ZNF317: variants seen among roughly 807,000 people sequenced by gnomAD.
ZNF317 encodes the protein zinc finger protein 317, also known as KRAB-containing zinc finger protein 317.
Under a neutral mutation model 23.4 loss-of-function variants are expected in ZNF317, and 17 were observed. The ratio of observed to expected loss-of-function variants is 0.73; its 90% CI spans 0.50 to 1.09. The LOEUF (loss-of-function observed/expected upper bound fraction) is 1.09, where lower values mean the gene tolerates loss of function less well. Among genes scored for constraint, ZNF317 ranks in the 50% least tolerant of loss-of-function variants. The probability of loss-of-function intolerance (pLI) is 0.00; values close to 1 mark genes in which losing one functional copy is unlikely to be tolerated. For missense variants in ZNF317, 679 were observed against 796.7 expected (o/e 0.85, Z 1.78); for synonymous variants, 317 against 314.9 (o/e 1.01, Z -0.07).
intron 6 of ZNF317, 143 bp downstream of exon 6, chr19:9,159,051 A>G: frequency 1.6e-6 from 1 of 628,746 alleles, no homozygotes; most frequent in Non-Finnish European, 2.8e-6. Flanking sequence ...GGTATTACCA[A>G]GATGGAGACA....
chr19:9,157,681 C>CTTTTTTTT (rs566513253), intron 4 of ZNF317: 39 of 346,332 alleles, frequency 1.1e-4, no homozygotes, highest in South Asian at 2.8e-4. Context: ...TTTCCTATTT[C>CTTTTTTTT]TTTTTTTTTT....
rs561664528 is a variant in ZNF317 at position 9,156,463 on chromosome 19, G to A, written c.26-149G>A. 9 of 1,038,960 alleles carry A rather than the reference G, an allele frequency of 8.7e-6. 1 individual carries two copies. The South Asian group carries it at 9.4e-5, about 11-fold the overall frequency. 64.4% of individuals were successfully genotyped at this position (1,038,960 alleles called of 1,614,324 possible). A position where few individuals can be genotyped will look rare whatever the true frequency, so the allele number is the denominator to read the frequency against. ...TGCTCTGACTTGTTATGAAACTGAT[G>A]TGTGCAAGAGAGGTGGGGGGAGGAA... On this transcript the variant is annotated intron_variant, in intron 2 of 6. Coordinates refer to ENST00000247956, the MANE Select transcript of ZNF317 (RefSeq NM_020933.5).
rs1015994717 is a variant in ZNF317 at position 9,162,244 on chromosome 19, T to A, written c.*811T>A. ...ACATCAGAGATGCTGCTAAGTCGGCTCCAGCACACAGGAGCCCCCCACAAC... is the reference window on the plus strand; with the variant it reads ...ACATCAGAGATGCTGCTAAGTCGGCACCAGCACACAGGAGCCCCCCACAAC... On this transcript the variant is annotated 3_prime_UTR_variant, in exon 7 of 7. Coordinates refer to ENST00000247956, the MANE Select transcript of ZNF317 (RefSeq NM_020933.5). The A allele has an allele frequency of 2.0e-5, 3 of 152,050 alleles. No individual in the cohort carries two copies. Among genetic ancestry groups the A allele is most frequent in the African/African-American group, 7.2e-5 (3 of 41,390 alleles). The allele number at this position is 152,050 out of a possible 1,614,324, so 9.4% of individuals were successfully genotyped here. A position where few individuals can be genotyped will look rare whatever the true frequency, so the allele number is the denominator to read the frequency against.
At position 9,147,340 on chromosome 19, in the gene ZNF317, T is replaced by G. The variant is rs1052014931; in HGVS notation, c.-93+6748T>G. ...ATTCCAATGACACTGGTTTTTTTTT[T>G]TTTTTTTTTTTTTTTTTGAGATGGA... On this transcript the variant is annotated intron_variant, in intron 1 of 6. Coordinates refer to ENST00000247956, the MANE Select transcript of ZNF317 (RefSeq NM_020933.5). Among the ~76,000 whole-genome samples the G allele has an allele frequency of 3.2e-4, 18 of 55,878 alleles. No homozygotes were observed. The South Asian group carries it at 4.6e-3, about 14-fold the overall frequency. 36.7% of individuals were successfully genotyped at this position (55,878 alleles called of 152,430 possible).
intron 4 of ZNF317, chr19:9,157,676 T>C: frequency 1.9e-6 from 1 of 527,160 alleles, no homozygotes; most frequent in Non-Finnish European, 2.6e-6. Context: ...TCTTATTTCC[T>C]ATTTCTTTTT....
At position 9,157,292 on chromosome 19, in the gene ZNF317, G is replaced by A. The variant is rs772977533; in HGVS notation, c.187G>A (p.Ala63Thr). The change falls in exon 4 of 7, where the codon GCT becomes ACT. Residue 63 changes from alanine to threonine, a missense_variant. Physicochemically the swap from Ala to Thr is moderately conservative, Grantham distance 58. Transcript: ENST00000247956. ...GGAATCGGTGACTTTCCAAGATGTC[G>A]CTGTGGACTTTACCGAGAAGGAGTG... Reference protein sequence around the residue: ...SQESVTFQDVAVDFTEKEWPL... With the variant: ...SQESVTFQDVTVDFTEKEWPL... The A allele has an allele frequency of 1.2e-5, 19 of 1,613,918 alleles. No homozygotes were observed. The highest frequency in any genetic ancestry group is 3.3e-5 in the South Asian group (3 of 91,074).
At chr19:9,158,568 ACCTCAG>A (rs1460954673) in intron 5 of ZNF317, among the ~76,000 whole-genome samples, 1 of 151,160 alleles carries the variant, frequency 6.6e-6, no homozygotes, top group Non-Finnish European at 1.5e-5. Context: ...CGAACACCTG[ACCTCAG>A]GTGATCCACC....
At position 9,157,695 on chromosome 19, in the gene ZNF317, T is replaced by A. The variant is rs1387728868; in HGVS notation, c.290-285T>A. 1.8e-3 allele frequency: 892 copies of A among 487,144 alleles called. 4 individuals are homozygous for A. The highest frequency in any genetic ancestry group is 2.3e-3 in the Non-Finnish European group (792 of 340,528). 30.2% of individuals were successfully genotyped at this position (487,144 alleles called of 1,614,324 possible). On this transcript the variant is annotated intron_variant, in intron 4 of 6. Coordinates refer to ENST00000247956, the MANE Select transcript of ZNF317 (RefSeq NM_020933.5). The stretch of plus-strand genomic sequence containing the variant: ...ATTTCCTATTTCTTTTTTTTTTTTT[T>A]TTTTTTTATTTTTGGTGATGAAGGG...
chr19:9,157,786 C>T, intron 4 of ZNF317, 194 bp from the exon 5 acceptor site: 1 of 1,344,492 alleles, frequency 7.4e-7, no homozygotes, highest in African/African-American at 1.5e-5. Context: ...CATGCTTTGC[C>T]TGTGGTTTTG....
At chr19:9,149,407 G>A (rs1364877290) in intron 1 of ZNF317, among the ~76,000 whole-genome samples, 4 of 152,088 alleles carry the variant, frequency 2.6e-5, no homozygotes, top group Non-Finnish European at 5.9e-5. Flanking sequence ...GGGAGGCGCA[G>A]GTTGCAGTGA....
chr19:9,153,265 G>A (rs968434663), intron 1 of ZNF317, among the ~76,000 whole-genome samples: 2 of 152,054 alleles, frequency 1.3e-5, no homozygotes, highest in East Asian at 1.9e-4. Flanking sequence ...GGGTTCAAGC[G>A]ATTCTCCTGC....
Position 9,140,524 on chromosome 19 carries a change from G to A in ZNF317, c.-161G>A. ...GTCCCCACGCCAGACTGGACCTCCC[G>A]TATGAACTTCTCTTCGCATCGGCGG... On this transcript the variant is annotated 5_prime_UTR_variant, in exon 1 of 7. Transcript: ENST00000247956. The A allele has an allele frequency of 2.2e-6, 1 of 456,614 alleles. No individual in the cohort carries two copies. The highest frequency in any genetic ancestry group is 4.4e-6 in the Non-Finnish European group (1 of 226,942). 28.3% of individuals were successfully genotyped at this position (456,614 alleles called of 1,614,324 possible).
rs931782952 is a variant in ZNF317, at chr19:9,161,061, A to G, written c.1416A>G (p.Arg472=). 1.2e-6 allele frequency: 2 copies of G among 1,613,860 alleles called. No individual in the cohort carries two copies. The highest frequency in any genetic ancestry group is 1.7e-6 in the Non-Finnish European group (2 of 1,179,976). The change falls in exon 7 of 7, where the codon AGA becomes AGG. Residue 472 remains arginine (R), a synonymous_variant. Coordinates refer to ENST00000247956, the MANE Select transcript of ZNF317 (RefSeq NM_020933.5). This position sits in a 1 kb window ranked among gnomAD's most constrained non-coding sequence, Gnocchi z 4.0. ...TAHRKIHTQE[R]RYECAACGKV... is the part of the protein sequence containing the mutation. Reference sequence around the variant, plus strand: ...ACAGGAAGATACACACGCAAGAGAGACGCTACGAATGCGCCGCCTGCGGGA... The same window carrying G: ...ACAGGAAGATACACACGCAAGAGAGGCGCTACGAATGCGCCGCCTGCGGGA...
At chr19:9,157,120 G>A (rs2050792097) in intron 3 of ZNF317, 148 bp from the exon 4 acceptor site, 1 of 958,814 alleles carries the variant, frequency 1.0e-6, no homozygotes, top group Non-Finnish European at 1.5e-6. Context: ...TCTGAGGACT[G>A]ATGCCTGGAG....
In ZNF317 at chr19:9,161,210, G is replaced by A; in HGVS notation, c.1565G>A (p.Arg522Gln). ...RNQSTLKTHM[R>Q]SHTGEKPYEC... ...CAGTCAACGCTGAAGACGCACATGC[G>A]AAGCCACACGGGGGAGAAACCGTAC... Residue 522 changes from arginine (R) to glutamine (Q), a missense_variant, in exon 7 of 7, where the codon CGA (arginine) becomes CAA (glutamine). Physicochemically the swap from Arg to Gln is conservative, Grantham distance 43. Transcript: ENST00000247956. This position sits in a 1 kb window ranked among gnomAD's most constrained non-coding sequence, Gnocchi z 4.0. 6.2e-7 allele frequency: 1 copy of A among 1,614,218 alleles called. No individual in the cohort carries two copies. Among genetic ancestry groups the A allele is most frequent in the Non-Finnish European group, 8.5e-7 (1 of 1,180,034 alleles).
At chr19:9,157,033 G>A in intron 3 of ZNF317, 1 of 635,946 alleles carries the variant, frequency 1.6e-6, no homozygotes, top group East Asian at 2.8e-5. Flanking sequence ...TAGAACTGGA[G>A]GGAGATTAGT....
intron 1 of ZNF317, among the ~76,000 whole-genome samples, chr19:9,142,053 G>A (rs2050636653): frequency 6.6e-6 from 1 of 152,180 alleles, no homozygotes; most frequent in African/African-American, 2.4e-5. Context: ...TGATCCACCG[G>A]CCTTGGCCTC....
At chr19:9,156,184 A>G (rs1474676257) in intron 2 of ZNF317, 143 bp downstream of exon 2, 7 of 1,028,944 alleles carry the variant, frequency 6.8e-6, no homozygotes, top group Non-Finnish European at 1.0e-5. Flanking sequence ...GAGCCCCAGC[A>G]GCCACCCCAG....
intron 1 of ZNF317, among the ~76,000 whole-genome samples, chr19:9,153,069 C>A (rs1254693222): frequency 1.3e-5 from 2 of 152,076 alleles, no homozygotes; most frequent in Non-Finnish European, 2.9e-5. Flanking sequence ...TTCTCCTATT[C>A]TCTATTTCAT....
Sources: allele counts gnomAD v4.1 joint callset (sites outside exome capture counted in the v4.1 genomes callset), GRCh38; gene constraint gnomAD v4.1.1; non-coding constraint Gnocchi (gnomAD v3.1); transcripts MANE v1.5; gene names NCBI Gene and HGNC (gene_info 2026-07-23, HGNC 2026-07-21).